RAB38: variants seen among roughly 807,000 people sequenced by gnomAD.
RAB38 encodes RAB38, member RAS oncogene family, also known as ras-related protein Rab-38.
A neutral mutation model predicts 18.4 loss-of-function variants in RAB38; 15 were observed. The observed-to-expected ratio is 0.82, with a 90% CI of 0.55 to 1.26. The LOEUF (loss-of-function observed/expected upper bound fraction) is 1.26. Among genes scored for constraint, RAB38 ranks in the 50% most tolerant of loss-of-function variants. RAB38 has a pLI of 0.00. For missense variants in RAB38, 294 were observed against 267.4 expected (o/e 1.10, Z -0.69); for synonymous variants, 101 against 104.4 (o/e 0.97, Z 0.20).
downstream of RAB38, among the ~76,000 whole-genome samples, chr11:88,110,742 G>T (rs1942462751): frequency 1.3e-5 from 2 of 151,712 alleles, no homozygotes; most frequent in Non-Finnish European, 2.9e-5. Context: ...ACTTGAACCT[G>T]GGAGGTGGAG....
At chr11:87,904,028 TGTG>T in the RAB38 span, among the ~76,000 whole-genome samples, 31 of 151,750 alleles carry the variant, frequency 2.0e-4, no homozygotes, top group African/African-American at 6.3e-4. Context: ...TTTATGGAAT[TGTG>T]GTTTTATTTT....
the RAB38 span, among the ~76,000 whole-genome samples, chr11:88,070,760 C>T: frequency 6.6e-6 from 1 of 152,128 alleles, no homozygotes; most frequent in African/African-American, 2.4e-5. Context: ...AACTACAAGG[C>T]AACAACAAGC....
At chr11:88,004,349 G>A in the RAB38 span, among the ~76,000 whole-genome samples, 1 of 150,944 alleles carries the variant, frequency 6.6e-6, no homozygotes, top group East Asian at 1.9e-4. Flanking sequence ...AAATCAATCA[G>A]TGTAATTTAC....
chr11:87,939,319 A>C, the RAB38 span, among the ~76,000 whole-genome samples: 1 of 151,862 alleles, frequency 6.6e-6, no homozygotes, highest in East Asian at 1.9e-4. Context: ...AAATAATCCA[A>C]AAGTATGTGA....
intron 2 of RAB38, among the ~76,000 whole-genome samples, chr11:88,145,862 T>C (rs527644337): frequency 6.6e-6 from 1 of 152,076 alleles, no homozygotes; most frequent in South Asian, 2.1e-4. Context: ...AACCAGGAAT[T>C]TGGGGGGCAA....
intron 2 of RAB38, among the ~76,000 whole-genome samples, chr11:88,125,618 C>T (rs7395725): frequency 0.73 from 110,573 of 151,870 alleles, 40,713 homozygotes; most frequent in Non-Finnish European, 0.8. Context: ...GATATTAGCC[C>T]TTTGTCAGAT....
At chr11:88,087,590 A>T in the RAB38 span, among the ~76,000 whole-genome samples, 1 of 151,964 alleles carries the variant, frequency 6.6e-6, no homozygotes, top group African/African-American at 2.4e-5. Flanking sequence ...AGTCAGGAAC[A>T]TATGGGCTCT....
chr11:87,976,117 TAA>T, the RAB38 span, among the ~76,000 whole-genome samples: 13,843 of 140,538 alleles, frequency 0.099, 875 homozygotes, highest in South Asian at 0.19. Flanking sequence ...TGTGTGCGTG[TAA>T]ATATATATAT....
the RAB38 span, among the ~76,000 whole-genome samples, chr11:87,951,621 G>C: frequency 6.6e-6 from 1 of 152,066 alleles, no homozygotes; most frequent in African/African-American, 2.4e-5. Flanking sequence ...TAACAGACAG[G>C]ACCCCCAGCT....
the RAB38 span, among the ~76,000 whole-genome samples, chr11:88,028,838 A>G: frequency 6.6e-6 from 1 of 152,254 alleles, no homozygotes; most frequent in Non-Finnish European, 1.5e-5. Context: ...TCCCCAATCT[A>G]GCAAGGCAGG....
At chr11:87,929,280 A>G in the RAB38 span, among the ~76,000 whole-genome samples, 1 of 151,978 alleles carries the variant, frequency 6.6e-6, no homozygotes, top group Admixed American at 6.6e-5. Context: ...AGAGTGCTAT[A>G]CTTATTGTAA....
chr11:87,950,830 A>G, the RAB38 span, among the ~76,000 whole-genome samples: 1 of 151,930 alleles, frequency 6.6e-6, no homozygotes. Context: ...TTTTTCCTTC[A>G]TTTCAACCTT....
chr11:87,821,366 T>C, the RAB38 span, among the ~76,000 whole-genome samples: 1 of 152,218 alleles, frequency 6.6e-6, no homozygotes, highest in Admixed American at 6.5e-5. Context: ...ATTAGAAGTA[T>C]GTCTGAAAAA....
chr11:88,082,514 C>T, the RAB38 span, among the ~76,000 whole-genome samples: 2 of 151,610 alleles, frequency 1.3e-5, no homozygotes, highest in African/African-American at 2.4e-5. Context: ...CTAAAACAAA[C>T]GCCTAATCTT....
the RAB38 span, among the ~76,000 whole-genome samples, chr11:87,851,461 G>A: frequency 6.6e-6 from 1 of 152,188 alleles, no homozygotes; most frequent in African/African-American, 2.4e-5. Context: ...GGCATTTCAT[G>A]CCTAAACGAG....
At chr11:87,859,217 T>G in the RAB38 span, among the ~76,000 whole-genome samples, 1 of 151,902 alleles carries the variant, frequency 6.6e-6, no homozygotes, top group African/African-American at 2.4e-5. Context: ...TATACGCCAT[T>G]GAGAAGACAA....
At chr11:87,902,479 G>A in the RAB38 span, among the ~76,000 whole-genome samples, 6 of 151,326 alleles carry the variant, frequency 4.0e-5, no homozygotes, top group African/African-American at 1.2e-4. Flanking sequence ...TGTCAGTACT[G>A]TTTTGGTCAT....
the RAB38 span, among the ~76,000 whole-genome samples, chr11:88,108,185 C>T: frequency 6.6e-6 from 1 of 152,024 alleles, no homozygotes; most frequent in East Asian, 1.9e-4. Flanking sequence ...TGTTAATTTT[C>T]TGTCTCATTG....
chr11:87,923,497 A>G, the RAB38 span, among the ~76,000 whole-genome samples: 44,653 of 151,616 alleles, frequency 0.29, 6,876 homozygotes, highest in East Asian at 0.52. Context: ...AATTAGTACT[A>G]GAGAATAGAA....
Sources: gnomAD v4.1 joint callset for allele counts (sites outside exome capture counted in the v4.1 genomes callset) on GRCh38, gnomAD v4.1.1 for gene constraint, MANE v1.5 for transcripts, NCBI Gene and HGNC (gene_info 2026-07-23, HGNC 2026-07-21) for gene names.